Variants in FRMPD4 observed in about 807,000 individuals in gnomAD.
FRMPD4 encodes the protein FERM and PDZ domain-containing protein 4.
Under a neutral mutation model 94.1 loss-of-function variants are expected in FRMPD4, and 22 were observed. The ratio of observed to expected loss-of-function variants is 0.23; its 90% CI spans 0.17 to 0.33. FRMPD4 has a LOEUF of 0.33. Among genes scored for constraint, FRMPD4 ranks in the 10% least tolerant of loss-of-function variants. The pLI, the probability that FRMPD4 is intolerant of heterozygous loss-of-function variation, is 1.00. For missense variants in FRMPD4, 1,111 were observed against 1,339.9 expected, an observed-to-expected ratio of 0.83 and a Z score of 2.67; for synonymous variants, 631 against 548.6, an observed-to-expected ratio of 1.15 and a Z score of -2.10.
At position 12,722,275 on chromosome X, in the gene FRMPD4, A is replaced by G. The variant is rs1216313542; in HGVS notation, c.*417A>G. 3 of 112,107 alleles carry G rather than the reference A, an allele frequency of 2.7e-5. No individual in the cohort carries two copies. The Admixed American group carries it at 2.8e-4, about 11-fold the overall frequency. 9.2% of individuals were successfully genotyped at this position (112,107 alleles called of 1,213,427 possible). A position where few individuals can be genotyped will look rare whatever the true frequency, so the allele number is the denominator to read the frequency against. On this transcript the variant is annotated 3_prime_UTR_variant, in exon 17 of 17. Transcript: ENST00000675598. ...AGAGAGAGAAAAGAAAAGAAATCAC[A>G]ATGTATATAAAACAGTACTTATGTT...
intron 3 of FRMPD4, among the ~76,000 whole-genome samples, chrX:11,927,618 C>T (rs151034989): frequency 3.6e-5 from 4 of 111,709 alleles, no homozygotes; most frequent in East Asian, 2.8e-4. Context: ...ATCTGATCTT[C>T]GACAAACCTG....
chrX:12,712,399 A>G (rs922723275), intron 14 of FRMPD4, among the ~76,000 whole-genome samples: 4 of 111,070 alleles, frequency 3.6e-5, no homozygotes, highest in Admixed American at 1.9e-4. Context: ...AAATATAAAA[A>G]TTAGCCAGGT....
At chrX:11,988,359 T>G (rs1429372086) in intron 3 of FRMPD4, among the ~76,000 whole-genome samples, 1 of 111,879 alleles carries the variant, frequency 8.9e-6, no homozygotes, top group Non-Finnish European at 1.9e-5. Context: ...CTTCAATAAA[T>G]AGCACTGGGA....
intron 2 of FRMPD4, among the ~76,000 whole-genome samples, chrX:12,561,735 T>C (rs964629216): frequency 9.8e-5 from 11 of 112,425 alleles, no homozygotes; most frequent in African/African-American, 3.6e-4. Context: ...TTTTCCACCC[T>C]GTCAACAATC....
At chrX:12,273,799 T>G (rs186899361) in intron 1 of FRMPD4, among the ~76,000 whole-genome samples, 1 of 112,749 alleles carries the variant, frequency 8.9e-6, no homozygotes, top group Non-Finnish European at 1.9e-5. Flanking sequence ...TTTCTCATTG[T>G]ACTGAGTTTT....
intron 1 of FRMPD4, among the ~76,000 whole-genome samples, chrX:12,459,938 C>G (rs1436470685): frequency 8.9e-6 from 1 of 111,824 alleles, no homozygotes. Context: ...CCAGTTGATT[C>G]ATATTCTCAC....
intron 2 of FRMPD4, among the ~76,000 whole-genome samples, chrX:12,607,724 G>C (rs954138602): frequency 8.9e-6 from 1 of 112,318 alleles, no homozygotes; most frequent in African/African-American, 3.2e-5. Context: ...TAAGGTAACA[G>C]ATGAGTGTTA....
At chrX:12,341,079 T>G (rs1271041124) in intron 1 of FRMPD4, among the ~76,000 whole-genome samples, 2 of 112,027 alleles carry the variant, frequency 1.8e-5, no homozygotes, top group African/African-American at 6.5e-5. Flanking sequence ...TGAGTTTTTG[T>G]TTTCTTTTTG....
At chrX:12,196,640 T>C (rs867532304) in intron 1 of FRMPD4, among the ~76,000 whole-genome samples, 10 of 107,679 alleles carry the variant, frequency 9.3e-5, no homozygotes, top group East Asian at 2.8e-4. Flanking sequence ...TATATATATA[T>C]AAAAAATATA....
At chrX:12,433,113 G>T (rs751565137) in intron 1 of FRMPD4, among the ~76,000 whole-genome samples, 1 of 112,352 alleles carries the variant, frequency 8.9e-6, no homozygotes, top group African/African-American at 3.2e-5. Context: ...GAAAATCACG[G>T]TTGAGCATTC....
At chrX:12,468,912 G>A (rs1293096174) in intron 1 of FRMPD4, among the ~76,000 whole-genome samples, 3 of 112,268 alleles carry the variant, frequency 2.7e-5, no homozygotes, top group African/African-American at 9.7e-5. Flanking sequence ...ATTGTACAGG[G>A]CACATTGGAT....
intron 14 of FRMPD4, among the ~76,000 whole-genome samples, chrX:12,711,292 A>G (rs2041982404): frequency 9.0e-6 from 1 of 111,632 alleles, no homozygotes. Context: ...TATGCCCAGG[A>G]TTCTGGGAAC....
intron 3 of FRMPD4, among the ~76,000 whole-genome samples, chrX:12,037,539 CTT>C (rs1428911609): frequency 3.6e-5 from 4 of 111,381 alleles, no homozygotes; most frequent in African/African-American, 1.3e-4. Flanking sequence ...TAGCATAATG[CTT>C]TTGAGTTTCA....
In FRMPD4 at chrX:12,687,667, G is replaced by A. The variant is rs748769939; in HGVS notation, c.681+1463G>A. On this transcript the variant is annotated intron_variant, in intron 7 of 16. Transcript: ENST00000675598. ...GAATACAGAATAGAATTAGCAATGG[G>A]AAAGGCTCATAGTCAGGGCACAGGA... Among the ~76,000 whole-genome samples, 22 of 112,271 alleles carry A rather than the reference G, an allele frequency of 2.0e-4. No homozygotes were observed. In the East Asian group the frequency reaches 3.9e-3, roughly 20 times the overall value.
intron 1 of FRMPD4, among the ~76,000 whole-genome samples, chrX:12,159,644 T>C (rs1193871122): frequency 8.9e-6 from 1 of 112,158 alleles, no homozygotes; most frequent in Non-Finnish European, 1.9e-5. Context: ...ATTTGGAAGA[T>C]AGATATAGTG....
chrX:11,946,955 G>A (rs1017923121), intron 3 of FRMPD4, among the ~76,000 whole-genome samples: 53 of 112,015 alleles, frequency 4.7e-4, no homozygotes, highest in African/African-American at 1.7e-3. Flanking sequence ...ATGGCGGACT[G>A]TGAGACTTCT....
intron 2 of FRMPD4, among the ~76,000 whole-genome samples, chrX:12,559,929 A>G (rs1483369138): frequency 9.0e-6 from 1 of 111,390 alleles, no homozygotes; most frequent in Admixed American, 9.5e-5. Context: ...AGAAAACTCA[A>G]TGTTTTGTTT....
intron 3 of FRMPD4, among the ~76,000 whole-genome samples, chrX:12,115,681 C>G (rs1406982807): frequency 4.6e-5 from 5 of 109,162 alleles, no homozygotes; most frequent in Admixed American, 2.0e-4. Context: ...TCGTGTCACA[C>G]AAATCTGGAG....
intron 3 of FRMPD4, among the ~76,000 whole-genome samples, chrX:12,096,513 G>C (rs1439701036): frequency 8.9e-6 from 1 of 111,914 alleles, no homozygotes; most frequent in Non-Finnish European, 1.9e-5. Context: ...TGAGGAGTCT[G>C]TGTCTTCAGG....
Sources: gnomAD v4.1 joint callset for allele counts (sites outside exome capture counted in the v4.1 genomes callset) on GRCh38, gnomAD v4.1.1 for gene constraint, MANE v1.5 for transcripts, NCBI Gene and HGNC (gene_info 2026-07-23, HGNC 2026-07-21) for gene names.